Variants in SMARCA5 observed in about 807,000 individuals in gnomAD.
The protein encoded by SMARCA5 is SWI/SNF-related matrix-associated actin-dependent regulator of chromatin subfamily A member 5.
Under a neutral mutation model 140.4 loss-of-function variants are expected in SMARCA5, and 18 were observed. The ratio of observed to expected loss-of-function variants is 0.13; its 90% confidence interval spans 0.09 to 0.19. The LOEUF is 0.19. Ranked by LOEUF, SMARCA5 falls within the 10% of genes least tolerant of loss-of-function variation. SMARCA5 has a pLI of 1.00. For synonymous variants in SMARCA5, 449 were observed against 419.6 expected (o/e 1.07, Z -0.86); for missense variants, 606 against 1,276.8 (o/e 0.47, Z 8.01).
chr4:143,548,292 C>A (rs1333145110), intron 22 of SMARCA5, 152 bp downstream of exon 22: 1 of 511,046 alleles, frequency 2.0e-6, no homozygotes, highest in Non-Finnish European at 3.5e-6. Flanking sequence ...GGATAGCTTA[C>A]AAGTTTATTG....
Position 143,555,100 on chromosome 4 carries a change from GC to G in SMARCA5, c.*1918del. On this transcript the variant is annotated 3_prime_UTR_variant, in exon 24 of 24. Transcript: ENST00000283131. ...GCAGTAATTAAAATCTTCTGTCAGT[GC>G]CACAGCTACTACTGCTACTGGAACT... 1.5e-6 allele frequency: 1 copy of G among 653,382 alleles called. No homozygotes were observed. The highest frequency in any genetic ancestry group is 2.8e-6 in the Non-Finnish European group (1 of 351,656). 40.5% of individuals were successfully genotyped at this position (653,382 alleles called of 1,614,324 possible). A position where few individuals can be genotyped will look rare whatever the true frequency, so the allele number is the denominator to read the frequency against.
intron 6 of SMARCA5, among the ~76,000 whole-genome samples, 182 bp downstream of exon 6, chr4:143,526,642 A>C (rs542489473): frequency 6.6e-6 from 1 of 152,088 alleles, no homozygotes; most frequent in Non-Finnish European, 1.5e-5. Context: ...CGGGTGGATC[A>C]TGAGGTCAGG....
chr4:143,552,820 GTTTC>G (rs891935767), intron 23 of SMARCA5, among the ~76,000 whole-genome samples: 1 of 151,942 alleles, frequency 6.6e-6, no homozygotes, highest in African/African-American at 2.4e-5. Context: ...AAACTCAAGT[GTTTC>G]TTACTATTTT....
At position 143,554,880 on chromosome 4, in the gene SMARCA5, A is replaced by T. The variant is rs1171964303; in HGVS notation, c.*1696A>T. On this transcript the variant is annotated 3_prime_UTR_variant, in exon 24 of 24. Coordinates refer to ENST00000283131, the MANE Select transcript of SMARCA5 (RefSeq NM_003601.4). The stretch of plus-strand genomic sequence containing the variant: ...GATACACAGTGGAAATGCAAAATGA[A>T]TCAAGTATAGTGGTAGCCCTGAGAG... 6 of 238,014 alleles carry T rather than the reference A, an allele frequency of 2.5e-5. No homozygotes were observed. The highest frequency in any genetic ancestry group is 1.7e-4 in the South Asian group (3 of 17,760). 14.7% of individuals were successfully genotyped at this position (238,014 alleles called of 1,614,324 possible). A position where few individuals can be genotyped will look rare whatever the true frequency, so the allele number is the denominator to read the frequency against.
chr4:143,538,530 T>C, intron 11 of SMARCA5, 60 bp from the exon 12 acceptor site: 1 of 1,453,788 alleles, frequency 6.9e-7, no homozygotes, highest in Non-Finnish European at 9.5e-7. Flanking sequence ...TAGTTTTGGT[T>C]ACCCTTAAAT....
At position 143,536,689 on chromosome 4, in the gene SMARCA5, C is replaced by A. The variant is rs768467281; in HGVS notation, c.1495+11C>A. ...AGTTAAAAGAACAAGGTATCGGTTA[C>A]CCGTATCAAATTATCAAAACTGTTT... On this transcript the variant is annotated intron_variant, in intron 11 of 23. Transcript: ENST00000283131. 3.8e-6 allele frequency: 6 copies of A among 1,574,440 alleles called. No individual in the cohort carries two copies. The highest frequency in any genetic ancestry group is 5.2e-6 in the Non-Finnish European group (6 of 1,145,836).
At chr4:143,543,773 C>T (rs910618375) in intron 15 of SMARCA5, 80 bp from the exon 16 acceptor site, 20 of 1,518,186 alleles carry the variant, frequency 1.3e-5, no homozygotes, top group South Asian at 4.9e-5. Flanking sequence ...CTTTTGTGTA[C>T]GTGAAGTTAA....
At chr4:143,544,704 A>G (rs772866866) in intron 16 of SMARCA5, 33 bp from the exon 17 acceptor site, 1 of 1,131,668 alleles carries the variant, frequency 8.8e-7, no homozygotes, top group Admixed American at 1.9e-5. Flanking sequence ...GTATAATAAA[A>G]GTTGGTGATT....
rs1354257369 is a variant in SMARCA5, at chr4:143,557,342, C to T, written c.*4158C>T. On this transcript the variant is annotated 3_prime_UTR_variant, in exon 24 of 24. Coordinates refer to ENST00000283131, the MANE Select transcript of SMARCA5 (RefSeq NM_003601.4). The stretch of plus-strand genomic sequence containing the variant: ...ATATTTTATTAATACAAAGAATATG[C>T]ATATAGTTTGCTTACTACAGAAATT... 1 of 152,164 alleles carries T rather than the reference C, an allele frequency of 6.6e-6. No individual in the cohort carries two copies. Among genetic ancestry groups the T allele is most frequent in the Non-Finnish European group, 1.5e-5 (1 of 68,024 alleles). 9.4% of individuals were successfully genotyped at this position (152,164 alleles called of 1,614,324 possible). A position where few individuals can be genotyped will look rare whatever the true frequency, so the allele number is the denominator to read the frequency against.
At chr4:143,549,200 ATGC>A (rs1737591437) in intron 22 of SMARCA5, among the ~76,000 whole-genome samples, 2 of 152,086 alleles carry the variant, frequency 1.3e-5, no homozygotes, top group Non-Finnish European at 2.9e-5. Flanking sequence ...CCATGTTAAG[ATGC>A]ACAAAAAATG....
chr4:143,550,072 G>A lies in SMARCA5; in HGVS notation c.3061G>A (p.Ala1021Thr). Residue 1021 changes from alanine to threonine, a missense_variant, in exon 23 of 24, where the codon GCA becomes ACA. Ala to Thr is a moderately conservative substitution (Grantham distance 58, BLOSUM62 0). This residue lies in a region of SMARCA5 where 40 missense variants were observed against 59.8 expected (regional missense o/e 0.67). Coordinates refer to ENST00000283131, the MANE Select transcript of SMARCA5 (RefSeq NM_003601.4). ...ENMELEEKEK[A>T]EKKKRGPKPS... ...CATGGAACTAGAAGAAAAGGAGAAG[G>A]CAGAGAAAAAGAAACGAGGACCAAA... is the stretch of plus-strand genomic sequence containing the variant. 1 of 1,587,060 alleles carries A rather than the reference G, an allele frequency of 6.3e-7. No homozygotes were observed. The highest frequency in any genetic ancestry group is 1.4e-5 in the African/African-American group (1 of 72,956).
rs898011120 is a variant in SMARCA5 at position 143,557,428 on chromosome 4, G to T, written c.*4244G>T. On this transcript the variant is annotated 3_prime_UTR_variant, in exon 24 of 24. Coordinates refer to ENST00000283131, the MANE Select transcript of SMARCA5 (RefSeq NM_003601.4). ...ATGTATATAGATTGTGAATAAATTG[G>T]GAAAAGAAATAGAGATAAGTAGAGA... 6.6e-6 allele frequency: 1 copy of T among 152,050 alleles called. No homozygotes were observed. The highest frequency in any genetic ancestry group is 1.9e-4 in the East Asian group (1 of 5,194). 9.4% of individuals were successfully genotyped at this position (152,050 alleles called of 1,614,324 possible).
At chr4:143,522,731 T>C (rs1368279996) in intron 3 of SMARCA5, among the ~76,000 whole-genome samples, 5 of 152,200 alleles carry the variant, frequency 3.3e-5, no homozygotes, top group African/African-American at 1.2e-4. Context: ...TGGAAACTAC[T>C]GTACTGAATA....
At position 143,526,301 on chromosome 4, in the gene SMARCA5, A is replaced by G; in HGVS notation, c.642A>G (p.Gln214=). Residue 214 remains glutamine, a synonymous_variant, in exon 6 of 24, where the codon CAA becomes CAG. Coordinates refer to ENST00000283131, the MANE Select transcript of SMARCA5 (RefSeq NM_003601.4). ...TTCAGGGCCTAGGAAAGACTCTTCA[A>G]ACAATTTCTCTTCTTGGGTACATGA... ...ADEMGLGKTL[Q]TISLLGYMKH... The G allele has an allele frequency of 1.2e-6, 2 of 1,613,892 alleles. No homozygotes were observed. Among genetic ancestry groups the G allele is most frequent in the Non-Finnish European group, 1.7e-6 (2 of 1,179,886 alleles).
Position 143,544,649 on chromosome 4 carries a change from T to G in SMARCA5, c.2173-88T>G, listed in dbSNP as rs1737487593. Reference sequence around the variant, plus strand: ...CTTATAGCCCAGGATTTTGTGAATATCTTTACATTTACAAACATCCTTCTT... The same window carrying G: ...CTTATAGCCCAGGATTTTGTGAATAGCTTTACATTTACAAACATCCTTCTT... On this transcript the variant is annotated intron_variant, in intron 16 of 23. Coordinates refer to ENST00000283131, the MANE Select transcript of SMARCA5 (RefSeq NM_003601.4). 3 of 767,450 alleles carry G rather than the reference T, an allele frequency of 3.9e-6. No individual in the cohort carries two copies. In the Admixed American group the frequency reaches 6.8e-5, roughly 17 times the overall value. 47.5% of individuals were successfully genotyped at this position (767,450 alleles called of 1,614,324 possible). A position where few individuals can be genotyped will look rare whatever the true frequency, so the allele number is the denominator to read the frequency against.
intron 14 of SMARCA5, among the ~76,000 whole-genome samples, chr4:143,542,483 A>G (rs928912679): frequency 2.6e-5 from 4 of 152,204 alleles, no homozygotes; most frequent in African/African-American, 7.2e-5. Flanking sequence ...GTAGCATCCA[A>G]TCCAAGGAAA....
intron 14 of SMARCA5, among the ~76,000 whole-genome samples, chr4:143,541,691 TTAA>T (rs971208936): frequency 6.6e-6 from 1 of 152,208 alleles, no homozygotes; most frequent in Non-Finnish European, 1.5e-5. Context: ...TTGTTAACTC[TTAA>T]GTGTTTAATT....
intron 11 of SMARCA5, among the ~76,000 whole-genome samples, chr4:143,537,476 T>C (rs927268581): frequency 1.3e-5 from 2 of 152,210 alleles, no homozygotes; most frequent in Admixed American, 1.3e-4. Context: ...ATGGGTTTAC[T>C]TTTTCCTTTT....
chr4:143,513,952 C>G lies in SMARCA5; in HGVS notation c.28C>G (p.Pro10Ala). The change falls in exon 1 of 24, where the codon CCC becomes GCC. Residue 10 changes from proline to alanine, a missense_variant. Around this residue, in one of 10 missense-constraint regions of SMARCA5, gnomAD observed 164 missense variants for 128.4 expected, o/e 1.28. Transcript: ENST00000283131. MSSAAEPPPPPPPESAPSKP... is the reference protein window; with the variant it reads MSSAAEPPPAPPPESAPSKP... ...GTCGTCCGCGGCCGAGCCTCCGCCA[C>G]CCCCGCCTCCCGAGAGCGCGCCTTC... The G allele has an allele frequency of 6.5e-7, 1 of 1,550,274 alleles. No individual in the cohort carries two copies. Among genetic ancestry groups the G allele is most frequent in the Non-Finnish European group, 8.7e-7 (1 of 1,155,068 alleles).
Sources: allele counts gnomAD v4.1 joint callset (sites outside exome capture counted in the v4.1 genomes callset), GRCh38; gene constraint gnomAD v4.1.1; regional missense constraint gnomAD v4.1.1; transcripts MANE v1.5; gene names NCBI Gene and HGNC (gene_info 2026-07-23, HGNC 2026-07-21).